Variants in WWC2 observed in about 807,000 individuals in gnomAD.
WWC2 encodes protein WWC2.
A neutral mutation model predicts 138.5 loss-of-function variants in WWC2; 101 were observed. That is an observed-to-expected ratio of 0.73 (90% CI 0.62 to 0.86). WWC2 has a LOEUF of 0.86. WWC2 is among the 40% of genes least tolerant of loss of function. The pLI is 0.00. For synonymous variants in WWC2, 558 were observed against 538.4 expected (o/e 1.04, Z -0.50); for missense variants, 1,420 against 1,419.4 (o/e 1.00, Z -0.01).
intron 1 of WWC2, among the ~76,000 whole-genome samples, chr4:183,186,794 A>T (rs573479874): frequency 3.8e-4 from 58 of 152,194 alleles, no homozygotes; most frequent in African/African-American, 1.4e-3. Context: ...TGTCATGTGG[A>T]GGAGGTATCA....
At chr4:183,131,604 T>A (rs1448248953) in intron 1 of WWC2, among the ~76,000 whole-genome samples, 1 of 152,228 alleles carries the variant, frequency 6.6e-6, no homozygotes, top group East Asian at 1.9e-4. Flanking sequence ...TTGTTCTATG[T>A]GCTACAAATA....
chr4:183,159,815 A>G (rs1042479608), intron 1 of WWC2, among the ~76,000 whole-genome samples: 1 of 151,234 alleles, frequency 6.6e-6, no homozygotes, highest in Non-Finnish European at 1.5e-5. Flanking sequence ...TCCTCCTTCC[A>G]TATGCCTTAT....
intron 1 of WWC2, among the ~76,000 whole-genome samples, chr4:183,129,774 T>C (rs1381640190): frequency 6.6e-6 from 1 of 152,252 alleles, no homozygotes; most frequent in African/African-American, 2.4e-5. Context: ...GTTTAATCAT[T>C]TGGATATTTC....
At chr4:183,162,010 A>AC (rs1219655551) in intron 1 of WWC2, among the ~76,000 whole-genome samples, 1 of 152,218 alleles carries the variant, frequency 6.6e-6, no homozygotes, top group Non-Finnish European at 1.5e-5. Flanking sequence ...AAGTGATGCT[A>AC]CCAAATGTCT....
intron 1 of WWC2, among the ~76,000 whole-genome samples, chr4:183,146,761 A>T (rs1473028655): frequency 6.6e-6 from 1 of 152,254 alleles, no homozygotes; most frequent in Non-Finnish European, 1.5e-5. Flanking sequence ...CAGGAAGGTT[A>T]GAAACCAGTT....
At chr4:183,293,264 A>G (rs1035321561) in intron 21 of WWC2, among the ~76,000 whole-genome samples, 3 of 152,186 alleles carry the variant, frequency 2.0e-5, no homozygotes, top group African/African-American at 7.2e-5. Context: ...AGGTTTTTTA[A>G]TATTAGAAAA....
chr4:183,222,991 T>A (rs1735974009), intron 4 of WWC2, among the ~76,000 whole-genome samples: 1 of 152,068 alleles, frequency 6.6e-6, no homozygotes. Flanking sequence ...AAAAATATAG[T>A]TACGTGCCAA....
At chr4:183,130,201 C>T (rs1284438062) in intron 1 of WWC2, among the ~76,000 whole-genome samples, 5 of 151,880 alleles carry the variant, frequency 3.3e-5, no homozygotes, top group Non-Finnish European at 2.9e-5. Context: ...TACAGGCGCC[C>T]GCCACCACGC....
chr4:183,263,000 T>C (rs1737379950), intron 11 of WWC2, among the ~76,000 whole-genome samples: 1 of 152,182 alleles, frequency 6.6e-6, no homozygotes, highest in East Asian at 1.9e-4. Context: ...CTTAACCGTG[T>C]CTGGCACTCA....
chr4:183,167,035 T>C (rs1376562822), intron 1 of WWC2, among the ~76,000 whole-genome samples: 1 of 152,108 alleles, frequency 6.6e-6, no homozygotes, highest in Non-Finnish European at 1.5e-5. Context: ...ACGTCATATA[T>C]GGATTTGTCA....
intron 22 of WWC2, 71 bp downstream of exon 22, chr4:183,312,539 G>A: frequency 6.3e-7 from 1 of 1,593,600 alleles, no homozygotes. Flanking sequence ...ATTCACCTCA[G>A]TGCAGTGAAA....
chr4:183,257,869 A>G (rs1215671939), intron 9 of WWC2, among the ~76,000 whole-genome samples: 1 of 152,208 alleles, frequency 6.6e-6, no homozygotes, highest in Non-Finnish European at 1.5e-5. Flanking sequence ...GAAAGGGCTG[A>G]TGTCTGCATT....
At chr4:183,138,695 C>G (rs1733198672) in intron 1 of WWC2, among the ~76,000 whole-genome samples, 1 of 152,142 alleles carries the variant, frequency 6.6e-6, no homozygotes, top group Admixed American at 6.5e-5. Context: ...CTTTAGGGCC[C>G]CATTTCCTTT....
chr4:183,111,424 C>T (rs1732227190), intron 1 of WWC2, among the ~76,000 whole-genome samples: 1 of 152,124 alleles, frequency 6.6e-6, no homozygotes, highest in Non-Finnish European at 1.5e-5. Flanking sequence ...TAGTGTGAAA[C>T]TTGAATCTAC....
chr4:183,144,965 A>G (rs1168648852), intron 1 of WWC2, among the ~76,000 whole-genome samples: 2 of 152,260 alleles, frequency 1.3e-5, no homozygotes, highest in African/African-American at 4.8e-5. Flanking sequence ...AAAGTCTGAC[A>G]GAAATCACAA....
Position 183,285,974 on chromosome 4 carries a change from G to A in WWC2, c.3056G>A (p.Arg1019Gln). 6.3e-7 allele frequency: 1 copy of A among 1,588,696 alleles called. No homozygotes were observed. Among genetic ancestry groups the A allele is most frequent in the Non-Finnish European group, 8.6e-7 (1 of 1,166,174 alleles). Reference sequence around the variant, plus strand: ...TAAATCTTTTGTTGCCAGTTAAATCGGAGTGACAGTGACAGTTCAACCCTG... The same window carrying A: ...TAAATCTTTTGTTGCCAGTTAAATCAGAGTGACAGTGACAGTTCAACCCTG... ...ERNQYICRLN[R>Q]SDSDSSTLAK... Residue 1019 changes from arginine (R) to glutamine (Q), a missense_variant, in exon 20 of 23, where the codon CGG (arginine) becomes CAG (glutamine). Physicochemically the swap from Arg to Gln is conservative, Grantham distance 43 (BLOSUM62 1). Coordinates refer to ENST00000403733, the MANE Select transcript of WWC2 (RefSeq NM_024949.6).
intron 4 of WWC2, among the ~76,000 whole-genome samples, chr4:183,233,148 C>CTT (rs543576361): frequency 0.019 from 1,591 of 84,766 alleles, 191 homozygotes; most frequent in African/African-American, 0.042. Context: ...CTTTTTAAAC[C>CTT]TTTTTTTTTT....
At chr4:183,299,883 G>A (rs150597845) in intron 21 of WWC2, among the ~76,000 whole-genome samples, 377 of 152,228 alleles carry the variant, frequency 2.5e-3, no homozygotes, top group African/African-American at 8.4e-3. Flanking sequence ...GCAATGAATC[G>A]AAGCCAGCAG....
rs1221768369 is a variant in WWC2 at position 183,320,727 on chromosome 4, A to T, written c.*4998A>T. The T allele has an allele frequency of 5.8e-6, 1 of 173,644 alleles. No individual in the cohort carries two copies. The highest frequency in any genetic ancestry group is 5.7e-5 in the Admixed American group (1 of 17,422). The allele number at this position is 173,644 out of a possible 1,614,324, so 10.8% of individuals were successfully genotyped here. A position where few individuals can be genotyped will look rare whatever the true frequency, so the allele number is the denominator to read the frequency against. On this transcript the variant is annotated 3_prime_UTR_variant, in exon 23 of 23. Transcript: ENST00000403733. ...TAATACTGAGTGTTATTTTTTAAAA[A>T]TAGGTTTAAGAAAAGTATTTCTTAA...
Sources: allele counts gnomAD v4.1 joint callset (sites outside exome capture counted in the v4.1 genomes callset), GRCh38; gene constraint gnomAD v4.1.1; transcripts MANE v1.5; gene names NCBI Gene and HGNC (gene_info 2026-07-23, HGNC 2026-07-21).